The following PTPRT variants were observed in gnomAD, a reference collection of about 807,000 sequenced individuals.
PTPRT encodes the protein receptor-type tyrosine-protein phosphatase T.
PTPRT carries 56 observed loss-of-function variants against 176.8 expected under a neutral mutation model. The observed-to-expected ratio is 0.32, with a 90% CI of 0.26 to 0.40. The LOEUF (loss-of-function observed/expected upper bound fraction) is 0.40, where lower values mean the gene tolerates loss of function less well. Among genes scored for constraint, PTPRT ranks in the 10% least tolerant of loss-of-function variants. The pLI, the probability that PTPRT is intolerant of heterozygous loss-of-function variation, is 1.00. For synonymous variants in PTPRT, 783 were observed against 739.0 expected (o/e 1.06, Z -0.96); for missense variants, 1,540 against 1,908.2 (o/e 0.81, Z 3.60).
chr20:43,008,607 C>T (rs1301640157), intron 1 of PTPRT, among the ~76,000 whole-genome samples: 1 of 152,138 alleles, frequency 6.6e-6, no homozygotes, highest in Admixed American at 6.6e-5. Context: ...GGAGGCATCA[C>T]TTGCATCCGG....
At chr20:43,125,948 A>G (rs2013420426) in intron 1 of PTPRT, among the ~76,000 whole-genome samples, 1 of 152,240 alleles carries the variant, frequency 6.6e-6, no homozygotes, top group African/African-American at 2.4e-5. Flanking sequence ...CATTCTGGAT[A>G]AGGTAATTGA....
chr20:42,885,210 C>A, intron 2 of PTPRT, among the ~76,000 whole-genome samples: 1 of 145,622 alleles, frequency 6.9e-6, no homozygotes, highest in East Asian at 2.0e-4. Context: ...GGAAGTATCC[C>A]TAAATATATA....
intron 20 of PTPRT, among the ~76,000 whole-genome samples, chr20:42,118,917 C>T (rs1987434335): frequency 6.9e-6 from 1 of 145,576 alleles, no homozygotes; most frequent in African/African-American, 2.5e-5. Flanking sequence ...GAGAGAGCTG[C>T]AGGGTGCCAG....
intron 6 of PTPRT, among the ~76,000 whole-genome samples, chr20:42,700,178 G>A (rs1361859312): frequency 6.6e-6 from 1 of 152,142 alleles, no homozygotes; most frequent in African/African-American, 2.4e-5. Context: ...AATTATCTCT[G>A]ACAAAACGAA....
chr20:42,757,658 T>C (rs755398768), intron 5 of PTPRT, among the ~76,000 whole-genome samples: 2 of 152,252 alleles, frequency 1.3e-5, no homozygotes, highest in Admixed American at 1.3e-4. Context: ...TTGCCCATTT[T>C]ACACTGAAGG....
At chr20:42,597,672 T>G (rs1305632151) in intron 7 of PTPRT, among the ~76,000 whole-genome samples, 1 of 152,172 alleles carries the variant, frequency 6.6e-6, no homozygotes, top group Non-Finnish European at 1.5e-5. Flanking sequence ...TGAGATCTCC[T>G]CAGAAGCCAG....
chr20:42,758,075 T>G (rs557061510), intron 5 of PTPRT, among the ~76,000 whole-genome samples: 5 of 152,314 alleles, frequency 3.3e-5, no homozygotes, highest in African/African-American at 9.6e-5. Context: ...GTTTTCCAAC[T>G]TCAAGTCAAG....
chr20:42,041,368 T>C, the PTPRT span, among the ~76,000 whole-genome samples: 6 of 152,196 alleles, frequency 3.9e-5, no homozygotes, highest in African/African-American at 1.2e-4. Flanking sequence ...GAGGCTGGAA[T>C]GGTGAGCATT....
intron 9 of PTPRT, among the ~76,000 whole-genome samples, chr20:42,414,098 C>G (rs986707899): frequency 6.6e-6 from 1 of 152,152 alleles, no homozygotes; most frequent in Non-Finnish European, 1.5e-5. Context: ...TCCCAAAGTG[C>G]TAGGATTACA....
intron 2 of PTPRT, among the ~76,000 whole-genome samples, chr20:42,843,815 C>T (rs1012032395): frequency 6.6e-6 from 1 of 152,214 alleles, no homozygotes; most frequent in African/African-American, 2.4e-5. Context: ...TAAGACTTGA[C>T]CTCATGTCAT....
intron 9 of PTPRT, among the ~76,000 whole-genome samples, chr20:42,355,501 A>G (rs996152976): frequency 9.2e-5 from 14 of 152,216 alleles, no homozygotes; most frequent in Non-Finnish European, 1.8e-4. Context: ...AGAAGAGGAA[A>G]GAGTATTCTA....
chr20:42,139,942 C>T (rs1988546984), intron 18 of PTPRT, among the ~76,000 whole-genome samples: 1 of 152,254 alleles, frequency 6.6e-6, no homozygotes, highest in Non-Finnish European at 1.5e-5. Context: ...TTGAATATCA[C>T]TTCTCAACAC....
At chr20:42,941,025 T>C (rs1437012470) in intron 1 of PTPRT, among the ~76,000 whole-genome samples, 3 of 151,528 alleles carry the variant, frequency 2.0e-5, no homozygotes, top group Non-Finnish European at 2.9e-5. Flanking sequence ...GGGGTTGCAG[T>C]GAGCCGAGAT....
chr20:42,625,337 A>C (rs559171069), intron 7 of PTPRT, among the ~76,000 whole-genome samples: 1 of 152,336 alleles, frequency 6.6e-6, no homozygotes, highest in East Asian at 1.9e-4. Flanking sequence ...AGAAAAATGA[A>C]AGAGGGAGAA....
chr20:42,850,542 G>A (rs1600472085), intron 2 of PTPRT, among the ~76,000 whole-genome samples: 1 of 152,200 alleles, frequency 6.6e-6, no homozygotes, highest in South Asian at 2.1e-4. Flanking sequence ...TGTTGTGAAT[G>A]TGCCTTCTAC....
At chr20:43,063,430 C>T (rs556046259) in intron 1 of PTPRT, 2 of 152,848 alleles carry the variant, frequency 1.3e-5, no homozygotes, top group South Asian at 4.1e-4. Flanking sequence ...TCCATCACCA[C>T]TCCATGTGAT....
chr20:43,084,212 T>C (rs1160109999), intron 1 of PTPRT, among the ~76,000 whole-genome samples: 2 of 152,224 alleles, frequency 1.3e-5, no homozygotes, highest in East Asian at 1.9e-4. Context: ...GGCCATGCCA[T>C]TGTACATCCT....
intron 18 of PTPRT, among the ~76,000 whole-genome samples, chr20:42,129,368 G>A (rs1232741854): frequency 1.3e-5 from 2 of 152,096 alleles, no homozygotes; most frequent in African/African-American, 4.8e-5. Context: ...TATAAAAGAG[G>A]TCATCAATAA....
chr20:42,916,104 T>C (rs1384840852), intron 1 of PTPRT, among the ~76,000 whole-genome samples: 3 of 145,518 alleles, frequency 2.1e-5, no homozygotes, highest in Non-Finnish European at 4.5e-5. Flanking sequence ...TTTAATGCTA[T>C]CCCTCCTCCC....
Sources: allele counts gnomAD v4.1 joint callset (sites outside exome capture counted in the v4.1 genomes callset), GRCh38; gene constraint gnomAD v4.1.1; transcripts MANE v1.5; gene names NCBI Gene and HGNC (gene_info 2026-07-23, HGNC 2026-07-21).